Variants in PDLIM5 observed in about 807,000 individuals in gnomAD.
The protein encoded by PDLIM5 is PDZ and LIM domain 5, also known as PDZ and LIM domain protein 5.
In PDLIM5, 34 loss-of-function variants were observed where a neutral mutation model predicts 64.2. The ratio of observed to expected loss-of-function variants is 0.53; its 90% CI spans 0.40 to 0.71. PDLIM5 has a LOEUF of 0.71. Among genes scored for constraint, PDLIM5 ranks in the 30% least tolerant of loss-of-function variants. The pLI is 0.00. For synonymous variants in PDLIM5, 253 were observed against 269.1 expected (o/e 0.94, Z 0.59); for missense variants, 683 against 733.6 (o/e 0.93, Z 0.80).
At chr4:94,550,733 C>A in intron 3 of PDLIM5, among the ~76,000 whole-genome samples, 1 of 152,048 alleles carries the variant, frequency 6.6e-6, no homozygotes, top group South Asian at 2.1e-4. Context: ...ACTTGAGGAG[C>A]AAAAGGGAAT....
At chr4:94,610,505 A>C (rs576463924) in intron 7 of PDLIM5, among the ~76,000 whole-genome samples, 8 of 152,140 alleles carry the variant, frequency 5.3e-5, no homozygotes, top group Non-Finnish European at 7.4e-5. Flanking sequence ...ATCACCTTTT[A>C]ATCTCTCCAC....
intron 7 of PDLIM5, chr4:94,608,005 G>T: frequency 7.7e-7 from 1 of 1,305,322 alleles, no homozygotes; most frequent in Non-Finnish European, 1.0e-6. Context: ...AATGTCTTTT[G>T]TACTTTTCAT....
chr4:94,473,285 G>A (rs765468052), intron 2 of PDLIM5, among the ~76,000 whole-genome samples: 5 of 151,986 alleles, frequency 3.3e-5, no homozygotes, highest in South Asian at 4.1e-4. Flanking sequence ...TTTTTGAGAC[G>A]GAGTTTCACT....
chr4:94,640,490 T>A (rs1740912853), intron 9 of PDLIM5, 40 bp downstream of exon 9: 62 of 1,116,242 alleles, frequency 5.6e-5, no homozygotes, highest in Non-Finnish European at 7.5e-5. Flanking sequence ...GTACTTAATA[T>A]CAATGTTGGG....
intron 5 of PDLIM5, among the ~76,000 whole-genome samples, chr4:94,582,222 A>C: frequency 6.6e-6 from 1 of 152,178 alleles, no homozygotes; most frequent in Non-Finnish European, 1.5e-5. Context: ...TGAGACTGAA[A>C]GATTTTTCTC....
At position 94,522,477 on chromosome 4, in the gene PDLIM5, G is replaced by A. The variant is rs368964666; in HGVS notation, c.97-1247G>A. Reference sequence around the variant, plus strand: ...TGCAACCTCTGCCTCCCGGGTTCAAGCAATTCTCCTGTCTCAGCCTCCCGA... The same window carrying A: ...TGCAACCTCTGCCTCCCGGGTTCAAACAATTCTCCTGTCTCAGCCTCCCGA... On this transcript the variant is annotated intron_variant, in intron 2 of 12. Coordinates refer to ENST00000317968, the MANE Select transcript of PDLIM5 (RefSeq NM_006457.5). 2.0e-4 allele frequency among the ~76,000 whole-genome samples: 31 copies of A among 152,226 alleles called. No individual in the cohort carries two copies. The East Asian group carries it at 4.3e-3, about 21-fold the overall frequency.
intron 5 of PDLIM5, among the ~76,000 whole-genome samples, chr4:94,577,634 G>A (rs556537404): frequency 2.9e-5 from 4 of 135,924 alleles, no homozygotes; most frequent in African/African-American, 8.2e-5. Flanking sequence ...ATAGATTTTC[G>A]AGTAATCAGA....
At chr4:94,462,474 A>C (rs1324902274) in intron 2 of PDLIM5, among the ~76,000 whole-genome samples, 1 of 151,986 alleles carries the variant, frequency 6.6e-6, no homozygotes, top group Non-Finnish European at 1.5e-5. Flanking sequence ...TAATTTTTTA[A>C]ATCAGTTCCT....
intron 9 of PDLIM5, among the ~76,000 whole-genome samples, chr4:94,646,487 G>A (rs1358338071): frequency 6.6e-6 from 1 of 152,084 alleles, no homozygotes; most frequent in Non-Finnish European, 1.5e-5. Context: ...CCCAGTCTGT[G>A]GTACTTTGCT....
intron 1 of PDLIM5, 118 bp from the exon 2 acceptor site, chr4:94,455,129 C>T (rs1292177304): frequency 2.0e-6 from 1 of 508,952 alleles, no homozygotes. Flanking sequence ...TAATGAAGAA[C>T]TTAATTAAGA....
At chr4:94,558,250 G>T (rs1438866911) in intron 3 of PDLIM5, among the ~76,000 whole-genome samples, 2 of 151,864 alleles carry the variant, frequency 1.3e-5, no homozygotes, top group Non-Finnish European at 2.9e-5. Context: ...CATCAACTTG[G>T]GCAAGTTTAT....
At chr4:94,583,995 C>T (rs1361450635) in intron 5 of PDLIM5, among the ~76,000 whole-genome samples, 1 of 152,174 alleles carries the variant, frequency 6.6e-6, no homozygotes, top group Non-Finnish European at 1.5e-5. Context: ...ATTTTAAAGC[C>T]AGTGTTACTA....
intron 2 of PDLIM5, among the ~76,000 whole-genome samples, chr4:94,487,883 A>C (rs1726498462): frequency 6.6e-6 from 1 of 152,186 alleles, no homozygotes; most frequent in African/African-American, 2.4e-5. Flanking sequence ...ATCTTAGTAA[A>C]AACACAGATT....
chr4:94,622,466 A>T (rs1373518991), intron 8 of PDLIM5, among the ~76,000 whole-genome samples: 1 of 152,238 alleles, frequency 6.6e-6, no homozygotes, highest in African/African-American at 2.4e-5. Flanking sequence ...CAAAATGAGA[A>T]TGAATAATTC....
intron 3 of PDLIM5, among the ~76,000 whole-genome samples, chr4:94,550,538 T>A (rs1372922386): frequency 6.6e-6 from 1 of 152,206 alleles, no homozygotes; most frequent in Non-Finnish European, 1.5e-5. Context: ...ATAACTTTGG[T>A]GTATTATCTC....
chr4:94,649,794 C>T (rs922820040), intron 9 of PDLIM5, among the ~76,000 whole-genome samples: 14 of 152,164 alleles, frequency 9.2e-5, no homozygotes, highest in African/African-American at 3.4e-4. Flanking sequence ...ATAATAATCT[C>T]AAAAAGAATT....
chr4:94,616,131 A>G (rs1004973182), intron 7 of PDLIM5, among the ~76,000 whole-genome samples: 1 of 152,144 alleles, frequency 6.6e-6, no homozygotes, highest in Admixed American at 6.5e-5. Context: ...AATTCCTAGC[A>G]TTGCTTGGTC....
At chr4:94,504,010 C>T (rs1287133343) in intron 2 of PDLIM5, among the ~76,000 whole-genome samples, 1 of 152,090 alleles carries the variant, frequency 6.6e-6, no homozygotes, top group East Asian at 1.9e-4. Flanking sequence ...TAATACAATA[C>T]CCTGGATAAT....
chr4:94,583,676 T>C (rs1560719836), intron 5 of PDLIM5, among the ~76,000 whole-genome samples: 1 of 152,322 alleles, frequency 6.6e-6, no homozygotes, highest in Admixed American at 6.5e-5. Flanking sequence ...ACTTGTGGAA[T>C]CATGATATTA....
Sources: gnomAD v4.1 joint callset for allele counts (sites outside exome capture counted in the v4.1 genomes callset) on GRCh38, gnomAD v4.1.1 for gene constraint, MANE v1.5 for transcripts, NCBI Gene and HGNC (gene_info 2026-07-23, HGNC 2026-07-21) for gene names.